The following PTPN20 variants were observed in gnomAD, a reference collection of about 807,000 sequenced individuals.
The protein encoded by PTPN20 is tyrosine-protein phosphatase non-receptor type 20.
PTPN20 carries 9 observed loss-of-function variants against 35.0 expected under a neutral mutation model. The observed-to-expected ratio is 0.26, with a 90% CI of 0.15 to 0.45. PTPN20 has a LOEUF of 0.45. Ranked by LOEUF, PTPN20 falls within the 20% of genes least tolerant of loss-of-function variation. PTPN20 has a pLI of 1.00. For missense variants in PTPN20, 111 were observed against 312.5 expected, an observed-to-expected ratio of 0.36 and a Z score of 4.86; for synonymous variants, 32 against 100.2, an observed-to-expected ratio of 0.32 and a Z score of 4.06.
In PTPN20 at chr10:46,932,471, A is replaced by T. The variant is rs2040024180; in HGVS notation, c.-29A>T. 1.2e-6 allele frequency: 2 copies of T among 1,611,912 alleles called. No individual in the cohort carries two copies. On this transcript the variant is annotated 5_prime_UTR_variant, in exon 2 of 11. Transcript: ENST00000374339. ...GGCTCCTTTTCTGAAGAAGCCTTTT[A>T]CCAGTCTCATTTAGGGGATGGGAAC... is the stretch of plus-strand genomic sequence containing the variant.
intron 1 of PTPN20, among the ~76,000 whole-genome samples, chr10:46,928,632 C>T (rs1446786403): frequency 2.6e-5 from 4 of 151,586 alleles, no homozygotes; most frequent in Admixed American, 1.3e-4. Context: ...TAAGAAACCA[C>T]GGAATGACAT....
intron 7 of PTPN20, among the ~76,000 whole-genome samples, chr10:46,968,419 GA>G (rs2051325253): frequency 6.7e-6 from 1 of 149,770 alleles, no homozygotes; most frequent in African/African-American, 2.5e-5. Context: ...TTAGACACGC[GA>G]AAAAAGAGCT....
chr10:46,972,422 T>G (rs1281330288), intron 7 of PTPN20, among the ~76,000 whole-genome samples: 5 of 139,990 alleles, frequency 3.6e-5, no homozygotes, highest in Admixed American at 1.5e-4. Context: ...GGAATTTGTT[T>G]CTAATAAAGT....
At chr10:46,977,192 T>A in intron 7 of PTPN20, among the ~76,000 whole-genome samples, 1 of 152,296 alleles carries the variant, frequency 6.6e-6, no homozygotes, top group East Asian at 1.9e-4. Context: ...AAGAAGGAAT[T>A]CTACCTCCAG....
At chr10:46,948,559 A>G (rs1168540301) in intron 5 of PTPN20, among the ~76,000 whole-genome samples, 1 of 146,876 alleles carries the variant, frequency 6.8e-6, no homozygotes, top group African/African-American at 2.6e-5. Flanking sequence ...CTCATTACCT[A>G]TGGTGAACCA....
Position 46,983,078 on chromosome 10 carries a change from T to TC in PTPN20, c.584-1152_584-1151insC, listed in dbSNP as rs1195216687. On this transcript the variant is annotated intron_variant, in intron 7 of 10. Transcript: ENST00000374339. The stretch of plus-strand genomic sequence containing the variant: ...TTATATATCTAGCTTTTTTTTTTTT[T>TC]TTTTTTTTGTTTGAGATGGAGTCTC... Among the ~76,000 whole-genome samples, 54 of 140,776 alleles carry TC rather than the reference T, an allele frequency of 3.8e-4. 1 individual carries two copies. Among genetic ancestry groups the TC allele is most frequent in the South Asian group, 1.2e-3 (5 of 4,332 alleles). The allele number at this position is 140,776 out of a possible 152,430, so 92.4% of individuals were successfully genotyped here.
At chr10:46,922,931 A>G (rs1453276598) in intron 1 of PTPN20, among the ~76,000 whole-genome samples, 2 of 124,430 alleles carry the variant, frequency 1.6e-5, no homozygotes, top group East Asian at 4.6e-4. Context: ...GCTGGACCAT[A>G]CCCAGGATCT....
chr10:47,003,559 CTG>C (rs75936325), downstream of PTPN20, among the ~76,000 whole-genome samples: 44,412 of 151,942 alleles, frequency 0.29, 6,879 homozygotes, highest in East Asian at 0.44. Flanking sequence ...ATCTATTAGT[CTG>C]TCTCTTTATC....
At chr10:46,931,191 CAG>C (rs1170120343) in intron 1 of PTPN20, among the ~76,000 whole-genome samples, 1 of 97,758 alleles carries the variant, frequency 1.0e-5, no homozygotes, top group Non-Finnish European at 1.9e-5. Context: ...CCTTATCAGA[CAG>C]AAATTATTTG....
At chr10:46,980,124 G>A (rs2054912988) in intron 7 of PTPN20, among the ~76,000 whole-genome samples, 2 of 141,172 alleles carry the variant, frequency 1.4e-5, no homozygotes, top group African/African-American at 5.1e-5. Flanking sequence ...CAGTGTTGTG[G>A]GACATGTGGA....
intron 9 of PTPN20, among the ~76,000 whole-genome samples, chr10:46,990,233 T>TTC (rs2057695078): frequency 6.7e-6 from 1 of 149,004 alleles, no homozygotes; most frequent in Admixed American, 6.7e-5. Flanking sequence ...ATTAGCCAGG[T>TTC]GTGATGGCAT....
rs1261448455 is a variant in PTPN20 at position 46,953,686 on chromosome 10, G to T, written c.340+7011G>T. Among the ~76,000 whole-genome samples the T allele has an allele frequency of 3.6e-4, 50 of 139,284 alleles. 1 individual carries two copies. The highest frequency in any genetic ancestry group is 5.3e-4 in the Non-Finnish European group (35 of 66,442). 91.4% of individuals were successfully genotyped at this position (139,284 alleles called of 152,430 possible). ...TCATCATATAGTTTTTCTTTTTTTT[G>T]CCTGTTGATATACCGTGAGTTACTT... On this transcript the variant is annotated intron_variant, in intron 5 of 10. Transcript: ENST00000374339.
At chr10:46,994,125 C>G (rs1416690870) in intron 9 of PTPN20, among the ~76,000 whole-genome samples, 3 of 151,724 alleles carry the variant, frequency 2.0e-5, no homozygotes, top group African/African-American at 7.3e-5. Context: ...AAAATTTATC[C>G]CACTTCCTCC....
Position 47,002,185 on chromosome 10 carries a change from CATTTT to C in PTPN20, c.*1445_*1449del, listed in dbSNP as rs2060097470. The C allele has an allele frequency of 6.6e-6, 1 of 152,220 alleles. No individual in the cohort carries two copies. Among genetic ancestry groups the C allele is most frequent in the Admixed American group, 6.6e-5 (1 of 15,236 alleles). The allele number at this position is 152,220 out of a possible 1,614,324, so 9.4% of individuals were successfully genotyped here. A position where few individuals can be genotyped will look rare whatever the true frequency, so the allele number is the denominator to read the frequency against. ...TATGAATAATAATCTGTGTTAATTT[CATTTT>C]GATAATTGGCCTTTAATATTTGTAT... On this transcript the variant is annotated 3_prime_UTR_variant, in exon 11 of 11. Transcript: ENST00000374339.
At chr10:47,000,022 TTAACATTGCA>T in intron 10 of PTPN20, 48 bp downstream of exon 10, 1 of 1,609,252 alleles carries the variant, frequency 6.2e-7, no homozygotes, top group Non-Finnish European at 8.5e-7. Flanking sequence ...AATATAAAGA[TTAACATTGCA>T]TAACACTTTA....
intron 5 of PTPN20, among the ~76,000 whole-genome samples, chr10:46,957,554 T>TG (rs1474452344): frequency 1.3e-5 from 2 of 152,054 alleles, no homozygotes; most frequent in African/African-American, 4.8e-5. Flanking sequence ...CTAGGCAACA[T>TG]GTCTCTACTA....
In PTPN20 at chr10:46,940,827, A is replaced by C. The variant is rs1305332800; in HGVS notation, c.129+110A>C. 2 of 1,224,202 alleles carry C rather than the reference A, an allele frequency of 1.6e-6. 1 individual carries two copies. The highest frequency in any genetic ancestry group is 3.2e-5 in the African/African-American group (2 of 62,538). The allele number at this position is 1,224,202 out of a possible 1,614,324, so 75.8% of individuals were successfully genotyped here. A position where few individuals can be genotyped will look rare whatever the true frequency, so the allele number is the denominator to read the frequency against. On this transcript the variant is annotated intron_variant, in intron 3 of 10. Transcript: ENST00000374339. ...TTGGTTCTCACCAAAATGATTTCTT[A>C]ATTTTTTGTCACTGTAGTGTTGACA...
downstream of PTPN20, among the ~76,000 whole-genome samples, chr10:47,002,818 C>T (rs2060130522): frequency 6.6e-6 from 1 of 151,854 alleles, no homozygotes; most frequent in South Asian, 2.1e-4. Flanking sequence ...AGTAATTTAT[C>T]TTCCTTTGGA....
At chr10:46,935,868 G>A (rs1358580583) in intron 2 of PTPN20, among the ~76,000 whole-genome samples, 2 of 152,132 alleles carry the variant, frequency 1.3e-5, no homozygotes, top group Admixed American at 1.3e-4. Context: ...TGTTCATTGA[G>A]AAATCTCCAA....
Sources: allele counts gnomAD v4.1 joint callset (sites outside exome capture counted in the v4.1 genomes callset), GRCh38; gene constraint gnomAD v4.1.1; transcripts MANE v1.5; gene names NCBI Gene and HGNC (gene_info 2026-07-23, HGNC 2026-07-21).